Variants in TENM3 observed in about 807,000 individuals in gnomAD.
The protein encoded by TENM3 is teneurin-3.
TENM3 carries 63 observed loss-of-function variants against 255.1 expected under a neutral mutation model. That is an observed-to-expected ratio of 0.25 (90% CI 0.20 to 0.30). TENM3 has a LOEUF of 0.30. Ranked by LOEUF, TENM3 falls within the 10% of genes least tolerant of loss-of-function variation. TENM3 has a pLI of 1.00. For missense variants in TENM3, 2,929 were observed against 3,461.1 expected (o/e 0.85, Z 3.86); for synonymous variants, 1,306 against 1,322.3 (o/e 0.99, Z 0.27).
At chr4:182,319,835 G>C (rs1012414977) in intron 1 of TENM3, among the ~76,000 whole-genome samples, 1 of 152,152 alleles carries the variant, frequency 6.6e-6, no homozygotes, top group African/African-American at 2.4e-5. Flanking sequence ...AATGGGGCCG[G>C]GCACTGCAGC....
the TENM3 span, among the ~76,000 whole-genome samples, chr4:181,739,995 A>G: frequency 2.6e-5 from 4 of 152,332 alleles, no homozygotes; most frequent in East Asian, 7.7e-4. Flanking sequence ...ATCAAATCCA[A>G]TTTTAGTCCC....
At chr4:182,617,338 C>G (rs867024185) in intron 4 of TENM3, among the ~76,000 whole-genome samples, 1 of 152,088 alleles carries the variant, frequency 6.6e-6, no homozygotes, top group Non-Finnish European at 1.5e-5. Flanking sequence ...AAAATGAACT[C>G]TAGGCAAACC....
At chr4:181,476,205 G>GTTTTT in the TENM3 span, among the ~76,000 whole-genome samples, 115 of 98,030 alleles carry the variant, frequency 1.2e-3, 1 homozygote, top group East Asian at 2.8e-3. Context: ...ACATTTTAGG[G>GTTTTT]GTTTTTTTTT....
chr4:182,440,537 G>C (rs748937930), intron 3 of TENM3, among the ~76,000 whole-genome samples: 1 of 152,086 alleles, frequency 6.6e-6, no homozygotes, highest in Non-Finnish European at 1.5e-5. Flanking sequence ...TAGATCTACA[G>C]CCTGATGACT....
At chr4:182,282,373 A>C (rs1213555202) in intron 1 of TENM3, among the ~76,000 whole-genome samples, 2 of 152,186 alleles carry the variant, frequency 1.3e-5, no homozygotes, top group African/African-American at 4.8e-5. Context: ...ATGCTTTGTC[A>C]TGTGCTGTGT....
chr4:182,138,824 A>G, the TENM3 span, among the ~76,000 whole-genome samples: 1 of 152,320 alleles, frequency 6.6e-6, no homozygotes, highest in African/African-American at 2.4e-5. Flanking sequence ...TTTACTTCGC[A>G]TTATGATTCT....
At chr4:182,560,976 C>T (rs1216422886) in intron 3 of TENM3, among the ~76,000 whole-genome samples, 2 of 152,084 alleles carry the variant, frequency 1.3e-5, no homozygotes, top group Admixed American at 6.6e-5. Flanking sequence ...CATTCCTCTC[C>T]GTTCATGGCC....
intron 13 of TENM3, among the ~76,000 whole-genome samples, chr4:182,719,323 G>A (rs147635499): frequency 4.9e-4 from 64 of 131,232 alleles, no homozygotes; most frequent in African/African-American, 1.7e-3. Context: ...GTGCAATGGC[G>A]TGGTCTCGGC....
At chr4:182,722,089 G>A (rs1759783359) in intron 13 of TENM3, among the ~76,000 whole-genome samples, 1 of 152,108 alleles carries the variant, frequency 6.6e-6, no homozygotes, top group Non-Finnish European at 1.5e-5. Context: ...TTTTAGTCGT[G>A]ACTTCTGGGT....
chr4:182,753,543 G>T lies in TENM3; in HGVS notation c.3956G>T (p.Gly1319Val), dbSNP rs1561201974. 1 of 1,613,904 alleles carries T rather than the reference G, an allele frequency of 6.2e-7. No homozygotes were observed. The highest frequency in any genetic ancestry group is 8.5e-7 in the Non-Finnish European group (1 of 1,179,852). The stretch of plus-strand genomic sequence containing the variant: ...AATGGAATCATATCAACTCTTCTGG[G>T]CTCTAACGATTTGACTTCAGCCAGA... ...DQNGIISTLL[G>V]SNDLTSARPL... is the part of the protein sequence containing the mutation. Residue 1319 changes from glycine (G) to valine (V), a missense_variant, in exon 21 of 28, where the codon GGC (glycine) becomes GTC (valine). By Grantham distance (109) the Gly-to-Val change is moderately radical (BLOSUM62 -3). Transcript: ENST00000511685.
intron 3 of TENM3, among the ~76,000 whole-genome samples, chr4:182,584,266 G>A (rs1459992386): frequency 6.6e-6 from 1 of 152,202 alleles, no homozygotes; most frequent in Non-Finnish European, 1.5e-5. Flanking sequence ...AAAACATCTT[G>A]CTGATGGGAA....
At chr4:181,578,639 G>T in the TENM3 span, among the ~76,000 whole-genome samples, 1 of 152,150 alleles carries the variant, frequency 6.6e-6, no homozygotes, top group Non-Finnish European at 1.5e-5. Context: ...ACTCTATAGT[G>T]CATAATCTCA....
At chr4:181,660,152 C>A in the TENM3 span, among the ~76,000 whole-genome samples, 2 of 152,084 alleles carry the variant, frequency 1.3e-5, no homozygotes, top group African/African-American at 4.8e-5. Flanking sequence ...TCCTAATTCG[C>A]TCTATACTGG....
At chr4:182,194,801 A>G (rs188105036) in intron 1 of TENM3, among the ~76,000 whole-genome samples, 2 of 152,322 alleles carry the variant, frequency 1.3e-5, no homozygotes, top group East Asian at 3.9e-4. Flanking sequence ...AATTACATGA[A>G]TCTTAACCAG....
intron 3 of TENM3, among the ~76,000 whole-genome samples, chr4:182,545,960 A>G (rs1305816082): frequency 6.6e-6 from 1 of 152,200 alleles, no homozygotes; most frequent in Non-Finnish European, 1.5e-5. Context: ...AGCCTTACCG[A>G]TCAACAGTCG....
chr4:181,883,894 T>C, the TENM3 span, among the ~76,000 whole-genome samples: 1 of 152,128 alleles, frequency 6.6e-6, no homozygotes, highest in Non-Finnish European at 1.5e-5. Flanking sequence ...GAACATCGTA[T>C]TTTGTTTGAG....
At chr4:181,940,053 T>C in the TENM3 span, among the ~76,000 whole-genome samples, 1 of 152,204 alleles carries the variant, frequency 6.6e-6, no homozygotes, top group Non-Finnish European at 1.5e-5. Flanking sequence ...CTAGCTTAGA[T>C]TCCTTCGGGA....
chr4:181,680,770 A>G, the TENM3 span, among the ~76,000 whole-genome samples: 1 of 152,122 alleles, frequency 6.6e-6, no homozygotes, highest in Non-Finnish European at 1.5e-5. Flanking sequence ...ACTCAAGTCA[A>G]TCCAAATTGT....
At chr4:182,112,321 G>T in the TENM3 span, among the ~76,000 whole-genome samples, 2 of 152,044 alleles carry the variant, frequency 1.3e-5, no homozygotes, top group Admixed American at 6.6e-5. Context: ...CCACATTCAC[G>T]GACTGACCGT....
Sources: gnomAD v4.1 joint callset for allele counts (sites outside exome capture counted in the v4.1 genomes callset) on GRCh38, gnomAD v4.1.1 for gene constraint, MANE v1.5 for transcripts, NCBI Gene and HGNC (gene_info 2026-07-23, HGNC 2026-07-21) for gene names.